DDC: variants seen among roughly 807,000 people sequenced by gnomAD.
DDC encodes aromatic-L-amino-acid decarboxylase.
DDC carries 43 observed loss-of-function variants against 60.0 expected under a neutral mutation model. That is an observed-to-expected ratio of 0.72 (90% CI 0.56 to 0.92). The LOEUF (loss-of-function observed/expected upper bound fraction) is 0.92. Ranked by LOEUF, DDC falls within the 40% of genes least tolerant of loss-of-function variation. The probability of loss-of-function intolerance (pLI) is 0.00; values close to 1 mark genes in which losing one functional copy is unlikely to be tolerated. For synonymous variants in DDC, 232 were observed against 234.6 expected (o/e 0.99, Z 0.10); for missense variants, 573 against 620.2 (o/e 0.92, Z 0.81).
chr7:50,543,592 G>A (rs775715875), intron 2 of DDC: 97 of 446,574 alleles, frequency 2.2e-4, no homozygotes, highest in South Asian at 2.7e-4. Context: ...TCTATGTACC[G>A]AGTGTCTCTG....
chr7:50,560,506 T>C (rs921711948), intron 1 of DDC, among the ~76,000 whole-genome samples: 18 of 152,124 alleles, frequency 1.2e-4, no homozygotes, highest in Non-Finnish European at 2.5e-4. Context: ...TGGGGGAGGA[T>C]GCTGTTAATT....
intron 4 of DDC, 29 bp downstream of exon 4, chr7:50,537,831 A>C: frequency 6.2e-7 from 1 of 1,613,914 alleles, no homozygotes; most frequent in South Asian, 1.1e-5. Context: ...CATGCATCCC[A>C]AAAGTGGCCC....
intron 13 of DDC, among the ~76,000 whole-genome samples, chr7:50,466,297 G>A (rs1296846155): frequency 1.3e-5 from 2 of 152,076 alleles, no homozygotes; most frequent in East Asian, 3.9e-4. Context: ...AGACCAGCCT[G>A]ACCAACATGG....
chr7:50,480,313 T>C lies in DDC; in HGVS notation c.945-450A>G, dbSNP rs538414505. ...TGGTAAATGCTTCATGATGCTGGGA[T>C]GGTGGCATACACAGAGAGGGCATGG... On this transcript the variant is annotated intron_variant, in intron 9 of 14. Transcript: ENST00000444124. Among the ~76,000 whole-genome samples the C allele has an allele frequency of 6.6e-5, 10 of 152,312 alleles. 1 individual carries two copies. Among genetic ancestry groups the C allele is most frequent in the Admixed American group, 5.9e-4 (9 of 15,304 alleles).
At chr7:50,508,731 G>A (rs572156477) in intron 6 of DDC, among the ~76,000 whole-genome samples, 3 of 152,332 alleles carry the variant, frequency 2.0e-5, no homozygotes, top group Admixed American at 6.5e-5. Flanking sequence ...GACGCATATA[G>A]TCATTATGCA....
At chr7:50,529,105 G>GT (rs2044123074) in intron 5 of DDC, 103 bp downstream of exon 5, 43 of 1,493,214 alleles carry the variant, frequency 2.9e-5, no homozygotes, top group Non-Finnish European at 3.9e-5. Flanking sequence ...CTGAGGAACT[G>GT]TTCTTAGATT....
At chr7:50,534,442 C>T (rs965881814) in intron 4 of DDC, among the ~76,000 whole-genome samples, 1 of 152,088 alleles carries the variant, frequency 6.6e-6, no homozygotes, top group Non-Finnish European at 1.5e-5. Flanking sequence ...ACTACAAATA[C>T]AAAAATTATC....
chr7:50,507,217 G>C (rs938104203), intron 6 of DDC, among the ~76,000 whole-genome samples: 3 of 152,002 alleles, frequency 2.0e-5, no homozygotes, highest in African/African-American at 7.3e-5. Flanking sequence ...ACTTTCTTCA[G>C]TTAAACACTA....
intron 6 of DDC, among the ~76,000 whole-genome samples, chr7:50,513,898 C>T (rs566962230): frequency 7.2e-5 from 11 of 152,184 alleles, no homozygotes; most frequent in African/African-American, 1.4e-4. Flanking sequence ...ACCCTAGTAG[C>T]GAAAGACAAA....
chr7:50,545,378 G>C (rs1245668618), intron 1 of DDC, among the ~76,000 whole-genome samples: 1 of 152,216 alleles, frequency 6.6e-6, no homozygotes, highest in Non-Finnish European at 1.5e-5. Flanking sequence ...TTTCAAAACA[G>C]GACAGTGAAC....
intron 6 of DDC, chr7:50,527,578 A>T (rs2044072519): frequency 1.3e-5 from 2 of 154,910 alleles, no homozygotes; most frequent in African/African-American, 2.4e-5. Flanking sequence ...CTGTTTCAGG[A>T]GCTAGGGATA....
chr7:50,486,579 C>T (rs527245000), intron 9 of DDC, among the ~76,000 whole-genome samples: 115 of 152,298 alleles, frequency 7.6e-4, no homozygotes, highest in Non-Finnish European at 9.1e-4. Flanking sequence ...CTTGTGAGCG[C>T]TGTTATGGAC....
chr7:50,545,662 G>A (rs905716621), intron 1 of DDC, among the ~76,000 whole-genome samples: 3 of 152,066 alleles, frequency 2.0e-5, no homozygotes, highest in Non-Finnish European at 4.4e-5. Flanking sequence ...TAGTAGAGGC[G>A]GGGTTTCACC....
chr7:50,529,315 C>A lies in DDC; in HGVS notation c.463G>T (p.Ala155Ser), dbSNP rs754716883. 16 of 1,614,152 alleles carry A rather than the reference C, an allele frequency of 9.9e-6. No homozygotes were observed. Among genetic ancestry groups the A allele is most frequent in the Non-Finnish European group, 1.4e-5 (16 of 1,180,026 alleles). Residue 155 changes from alanine (A) to serine (S), a missense_variant, in exon 5 of 15, where the codon GCC becomes TCC. Coordinates refer to ENST00000444124, the MANE Select transcript of DDC (RefSeq NM_001082971.2). ...QGSASEATLVALLAARTKVIH... is the reference protein window; with the variant it reads ...QGSASEATLVSLLAARTKVIH... The stretch of plus-strand genomic sequence containing the variant: ...ACTTTGGTCCGAGCGGCCAGCAGGG[C>A]CACCAGGGTGGCTTCACTGGCACTT...
At chr7:50,561,336 A>T (rs960456019) in intron 1 of DDC, among the ~76,000 whole-genome samples, 2 of 152,114 alleles carry the variant, frequency 1.3e-5, no homozygotes, top group African/African-American at 4.8e-5. Flanking sequence ...ATTTGGGGCC[A>T]GGGCTCCTGG....
intron 4 of DDC, among the ~76,000 whole-genome samples, chr7:50,535,723 T>C (rs1209167878): frequency 1.3e-5 from 2 of 152,238 alleles, no homozygotes; most frequent in African/African-American, 2.4e-5. Context: ...CTGGATGTGG[T>C]AGGCACATTA....
intron 14 of DDC, among the ~76,000 whole-genome samples, chr7:50,459,167 C>G (rs548686835): frequency 1.3e-5 from 2 of 152,232 alleles, no homozygotes; most frequent in Non-Finnish European, 2.9e-5. Flanking sequence ...CTGTGTTGGC[C>G]GGGCTGGTCT....
intron 9 of DDC, among the ~76,000 whole-genome samples, chr7:50,480,115 G>T (rs11575454): frequency 6.6e-6 from 1 of 152,156 alleles, no homozygotes; most frequent in East Asian, 1.9e-4. Context: ...TAGTGATAAG[G>T]GTTCATTTTG....
chr7:50,488,832 C>T (rs1446059532), intron 9 of DDC, among the ~76,000 whole-genome samples: 2 of 152,226 alleles, frequency 1.3e-5, no homozygotes, highest in Admixed American at 1.3e-4. Context: ...ACTTTAATTT[C>T]ATCTCGCTGT....
Sources: allele counts gnomAD v4.1 joint callset (sites outside exome capture counted in the v4.1 genomes callset), GRCh38; gene constraint gnomAD v4.1.1; transcripts MANE v1.5; gene names NCBI Gene and HGNC (gene_info 2026-07-23, HGNC 2026-07-21).